SPMIP2: variants seen among roughly 807,000 people sequenced by gnomAD.
SPMIP2 encodes protein SPMIP2.
chr4:159,082,163 CAAAAAA>C, the SPMIP2 span, among the ~76,000 whole-genome samples: 1 of 102,636 alleles, frequency 9.7e-6, no homozygotes, highest in Non-Finnish European at 2.0e-5. Flanking sequence ...GCTAAGAATG[CAAAAAA>C]AAAAAAAAAA....
At chr4:158,944,565 C>T in the SPMIP2 span, among the ~76,000 whole-genome samples, 1 of 152,138 alleles carries the variant, frequency 6.6e-6, no homozygotes, top group African/African-American at 2.4e-5. Flanking sequence ...CTCTTCAGCA[C>T]AGTATTTCCA....
chr4:159,024,586 C>T, the SPMIP2 span, among the ~76,000 whole-genome samples: 18 of 152,108 alleles, frequency 1.2e-4, no homozygotes, highest in Non-Finnish European at 2.4e-4. Flanking sequence ...GACAAAATGA[C>T]GCCTGTAGTT....
chr4:158,984,656 A>G, the SPMIP2 span, among the ~76,000 whole-genome samples: 2 of 152,096 alleles, frequency 1.3e-5, no homozygotes, highest in Non-Finnish European at 2.9e-5. Flanking sequence ...AATTTATAGC[A>G]CTAAATGCCC....
At chr4:158,959,526 T>TA in the SPMIP2 span, among the ~76,000 whole-genome samples, 1 of 152,118 alleles carries the variant, frequency 6.6e-6, no homozygotes, top group Non-Finnish European at 1.5e-5. Context: ...TGGTATAGTA[T>TA]AGCCACCTCA....
chr4:158,957,763 C>T, the SPMIP2 span, among the ~76,000 whole-genome samples: 1 of 152,172 alleles, frequency 6.6e-6, no homozygotes, highest in Non-Finnish European at 1.5e-5. Context: ...AATCACTTCT[C>T]TCAGTAAACA....
chr4:158,981,895 T>C, the SPMIP2 span, among the ~76,000 whole-genome samples: 2 of 145,958 alleles, frequency 1.4e-5, no homozygotes, highest in Non-Finnish European at 3.0e-5. Context: ...TAAATGTAAA[T>C]GGGTTAAATG....
At chr4:158,966,829 C>G in the SPMIP2 span, among the ~76,000 whole-genome samples, 1 of 152,148 alleles carries the variant, frequency 6.6e-6, no homozygotes, top group Admixed American at 6.5e-5. Context: ...ATTTTCACAT[C>G]CTAACAAATG....
At chr4:158,951,308 T>A in the SPMIP2 span, among the ~76,000 whole-genome samples, 1 of 152,214 alleles carries the variant, frequency 6.6e-6, no homozygotes, top group East Asian at 1.9e-4. Context: ...CTGGATGGCA[T>A]AGCCCACGAC....
chr4:158,985,746 C>T, the SPMIP2 span, among the ~76,000 whole-genome samples: 2 of 151,930 alleles, frequency 1.3e-5, no homozygotes, highest in African/African-American at 2.4e-5. Flanking sequence ...CCCTCTCTCA[C>T]CACTCCTATT....
the SPMIP2 span, among the ~76,000 whole-genome samples, chr4:158,923,478 C>A: frequency 6.6e-6 from 1 of 151,996 alleles, no homozygotes; most frequent in Admixed American, 6.6e-5. Flanking sequence ...ATATCTTATT[C>A]TTTTGATATT....
the SPMIP2 span, among the ~76,000 whole-genome samples, chr4:158,950,209 C>G: frequency 6.6e-6 from 1 of 152,216 alleles, no homozygotes. Flanking sequence ...GGCATGTCAT[C>G]ATTTCTTTCT....
chr4:158,893,804 G>A, the SPMIP2 span: 32 of 855,614 alleles, frequency 3.7e-5, no homozygotes, highest in Admixed American at 7.2e-5. Flanking sequence ...TAATACATAC[G>A]TCTTGTCACA....
the SPMIP2 span, among the ~76,000 whole-genome samples, chr4:159,054,727 C>T: frequency 2.9e-4 from 44 of 152,290 alleles, no homozygotes; most frequent in Non-Finnish European, 5.9e-4. Flanking sequence ...GTGGCCATCC[C>T]CTTTCCAGAC....
chr4:158,932,705 G>A, the SPMIP2 span, among the ~76,000 whole-genome samples: 2 of 152,068 alleles, frequency 1.3e-5, no homozygotes, highest in African/African-American at 4.8e-5. Context: ...AAGCTTTTCA[G>A]GGGATTTCAA....
At chr4:158,904,081 A>G in the SPMIP2 span, among the ~76,000 whole-genome samples, 1 of 152,234 alleles carries the variant, frequency 6.6e-6, no homozygotes, top group Non-Finnish European at 1.5e-5. Context: ...AAAAATCAGT[A>G]TGCATTTAGA....
chr4:159,068,662 A>T, the SPMIP2 span, among the ~76,000 whole-genome samples: 4 of 151,754 alleles, frequency 2.6e-5, no homozygotes, highest in African/African-American at 4.8e-5. Flanking sequence ...AAGTATAATT[A>T]AAAAATAAAT....
At chr4:158,964,893 A>G in the SPMIP2 span, among the ~76,000 whole-genome samples, 1 of 152,208 alleles carries the variant, frequency 6.6e-6, no homozygotes, top group Non-Finnish European at 1.5e-5. Flanking sequence ...ACTCACCAAC[A>G]GGAGAACATC....
the SPMIP2 span, among the ~76,000 whole-genome samples, chr4:158,995,539 T>A: frequency 6.6e-6 from 1 of 152,062 alleles, no homozygotes; most frequent in Non-Finnish European, 1.5e-5. Context: ...CCATACAATC[T>A]AAAGACCATG....
the SPMIP2 span, among the ~76,000 whole-genome samples, chr4:158,935,698 T>C: frequency 6.6e-6 from 1 of 152,216 alleles, no homozygotes; most frequent in Non-Finnish European, 1.5e-5. Context: ...ATTTGAGAAA[T>C]GACCAAGATT....
Sources: gnomAD v4.1 joint callset for allele counts (sites outside exome capture counted in the v4.1 genomes callset) on GRCh38, gnomAD v4.1.1 for gene constraint, MANE v1.5 for transcripts, NCBI Gene and HGNC (gene_info 2026-07-23, HGNC 2026-07-21) for gene names.